AKAP19: variants seen among roughly 807,000 people sequenced by gnomAD.
AKAP19 encodes A-kinase anchoring protein 19, also known as small A-kinase anchoring protein.
the AKAP19 span, among the ~76,000 whole-genome samples, chr2:190,141,088 C>T: frequency 9.2e-5 from 14 of 152,294 alleles, no homozygotes; most frequent in African/African-American, 2.6e-4. Context: ...CCTCTGAGAC[C>T]ACCTCAGCCT....
chr2:189,992,406 A>C, the AKAP19 span, among the ~76,000 whole-genome samples: 1 of 152,196 alleles, frequency 6.6e-6, no homozygotes, highest in Admixed American at 6.5e-5. Flanking sequence ...TAAAAATACC[A>C]TGCTGTTTTG....
the AKAP19 span, among the ~76,000 whole-genome samples, chr2:189,903,363 A>G: frequency 1.6e-3 from 243 of 152,186 alleles, no homozygotes; most frequent in African/African-American, 5.8e-3. Flanking sequence ...TTAGATAACA[A>G]TTATTTTTAA....
At chr2:189,981,013 T>C in the AKAP19 span, among the ~76,000 whole-genome samples, 2 of 152,202 alleles carry the variant, frequency 1.3e-5, no homozygotes, top group Non-Finnish European at 2.9e-5. Flanking sequence ...TGGAATAGAG[T>C]ATTCTGTAGA....
the AKAP19 span, among the ~76,000 whole-genome samples, chr2:190,045,196 G>A: frequency 6.6e-6 from 1 of 152,376 alleles, no homozygotes; most frequent in South Asian, 2.1e-4. Context: ...CCAGTGAGGA[G>A]GAATGGGATC....
chr2:190,181,159 C>A, the AKAP19 span: 1 of 985,392 alleles, frequency 1.0e-6, no homozygotes, highest in Non-Finnish European at 1.2e-6. Context: ...GGGTGTCTGT[C>A]GGTCTTTGCT....
the AKAP19 span, among the ~76,000 whole-genome samples, chr2:189,888,243 A>C: frequency 6.6e-6 from 1 of 152,160 alleles, no homozygotes; most frequent in African/African-American, 2.4e-5. Context: ...TGTCAGGTTT[A>C]TCAAAGATCA....
At chr2:189,939,599 T>C in the AKAP19 span, among the ~76,000 whole-genome samples, 1 of 152,168 alleles carries the variant, frequency 6.6e-6, no homozygotes, top group Non-Finnish European at 1.5e-5. Context: ...TTTAACAAGA[T>C]GGTGATGTGT....
the AKAP19 span, among the ~76,000 whole-genome samples, chr2:189,882,047 C>T: frequency 6.6e-5 from 10 of 152,120 alleles, no homozygotes; most frequent in African/African-American, 2.4e-4. Flanking sequence ...AAGCCAAGCC[C>T]AGCCATGGAT....
At chr2:190,103,542 A>G in the AKAP19 span, among the ~76,000 whole-genome samples, 2 of 152,228 alleles carry the variant, frequency 1.3e-5, no homozygotes, top group Non-Finnish European at 2.9e-5. Context: ...CTATACACCA[A>G]TATTGTTCAG....
At chr2:189,979,161 A>G in the AKAP19 span, among the ~76,000 whole-genome samples, 4 of 152,180 alleles carry the variant, frequency 2.6e-5, no homozygotes, top group African/African-American at 4.8e-5. Flanking sequence ...TGGAGGCATC[A>G]TATTACCTAA....
At chr2:190,163,174 C>A in the AKAP19 span, among the ~76,000 whole-genome samples, 1 of 152,066 alleles carries the variant, frequency 6.6e-6, no homozygotes, top group African/African-American at 2.4e-5. Context: ...GTGGCTCACG[C>A]CTGTAATCCT....
At chr2:190,159,116 G>T in the AKAP19 span, among the ~76,000 whole-genome samples, 1 of 152,180 alleles carries the variant, frequency 6.6e-6, no homozygotes, top group South Asian at 2.1e-4. Context: ...GGTCTGAGCT[G>T]GGATTAGGCA....
the AKAP19 span, among the ~76,000 whole-genome samples, chr2:190,197,405 G>A: frequency 6.6e-6 from 1 of 152,178 alleles, no homozygotes; most frequent in Non-Finnish European, 1.5e-5. The surrounding 1 kb of genome is among the most constrained non-coding windows in gnomAD (Gnocchi z 4.0). Context: ...AGTCCTAGAG[G>A]AAGTAATCGT....
chr2:190,110,638 T>TA, the AKAP19 span, among the ~76,000 whole-genome samples: 1 of 152,228 alleles, frequency 6.6e-6, no homozygotes, highest in Non-Finnish European at 1.5e-5. Flanking sequence ...ATTTATTTCC[T>TA]ACTCTTACAT....
At chr2:189,941,618 A>G in the AKAP19 span, among the ~76,000 whole-genome samples, 1 of 152,266 alleles carries the variant, frequency 6.6e-6, no homozygotes, top group Non-Finnish European at 1.5e-5. Flanking sequence ...TGTCATATCT[A>G]TAAGATGTTT....
At chr2:190,069,642 C>T in the AKAP19 span, among the ~76,000 whole-genome samples, 1 of 152,148 alleles carries the variant, frequency 6.6e-6, no homozygotes, top group African/African-American at 2.4e-5. Context: ...CCATAATTCA[C>T]AGAGGATTGG....
the AKAP19 span, among the ~76,000 whole-genome samples, chr2:189,951,785 G>C: frequency 6.6e-6 from 1 of 152,170 alleles, no homozygotes; most frequent in Non-Finnish European, 1.5e-5. Context: ...CCCAAAATAT[G>C]TCACTCTGGC....
At chr2:189,983,807 T>C in the AKAP19 span, among the ~76,000 whole-genome samples, 2 of 152,334 alleles carry the variant, frequency 1.3e-5, no homozygotes, top group Admixed American at 6.5e-5. Context: ...GTAGGTTCTT[T>C]TCTATTTTCC....
chr2:190,075,630 T>C, the AKAP19 span, among the ~76,000 whole-genome samples: 1 of 152,324 alleles, frequency 6.6e-6, no homozygotes, highest in South Asian at 2.1e-4. Flanking sequence ...AAATCAGCTT[T>C]GTCTGACATT....
Sources: allele counts gnomAD v4.1 joint callset (sites outside exome capture counted in the v4.1 genomes callset), GRCh38; gene constraint gnomAD v4.1.1; non-coding constraint Gnocchi (gnomAD v3.1); transcripts MANE v1.5; gene names NCBI Gene and HGNC (gene_info 2026-07-23, HGNC 2026-07-21).